The following TBL1X variants were observed in gnomAD, a reference collection of about 807,000 sequenced individuals.
The protein encoded by TBL1X is transducin beta like 1 X-linked, also known as F-box-like/WD repeat-containing protein TBL1X.
In TBL1X, 10 loss-of-function variants were observed where a neutral mutation model predicts 50.7. That is an observed-to-expected ratio of 0.20 (90% CI 0.12 to 0.33). TBL1X has a LOEUF of 0.33. TBL1X is among the 10% of genes least tolerant of loss of function. The pLI is 1.00. For synonymous variants in TBL1X, 190 were observed against 214.7 expected (o/e 0.88, Z 1.01); for missense variants, 340 against 504.4 (o/e 0.67, Z 3.12).
chrX:9,667,365 A>T (rs1442412982), intron 5 of TBL1X, among the ~76,000 whole-genome samples: 4 of 112,127 alleles, frequency 3.6e-5, no homozygotes, highest in African/African-American at 6.5e-5. Flanking sequence ...GAAGGAGATT[A>T]TTTCAGTTTT....
chrX:9,706,382 A>G (rs2083207804), intron 13 of TBL1X, among the ~76,000 whole-genome samples: 1 of 111,644 alleles, frequency 9.0e-6, no homozygotes, highest in Non-Finnish European at 1.9e-5. Context: ...CATTTGAGGC[A>G]GTAACAGCCA....
intron 2 of TBL1X, among the ~76,000 whole-genome samples, chrX:9,539,664 T>C (rs1344928028): frequency 8.9e-6 from 1 of 112,216 alleles, no homozygotes; most frequent in Non-Finnish European, 1.9e-5. Flanking sequence ...GTGATAGTCT[T>C]TTGAGATATC....
intron 2 of TBL1X, among the ~76,000 whole-genome samples, chrX:9,613,688 A>C (rs2082624827): frequency 1.8e-5 from 2 of 111,774 alleles, no homozygotes. Flanking sequence ...AAAATCTATC[A>C]TGAAAATTAA....
rs1276349898 is a variant in TBL1X at position 9,716,320 on chromosome X, T to C, written c.*74T>C. 9.3e-7 allele frequency: 1 copy of C among 1,079,835 alleles called. No individual in the cohort carries two copies. The highest frequency in any genetic ancestry group is 1.3e-6 in the Non-Finnish European group (1 of 790,891). 89.0% of individuals were successfully genotyped at this position (1,079,835 alleles called of 1,213,427 possible). A position where few individuals can be genotyped will look rare whatever the true frequency, so the allele number is the denominator to read the frequency against. ...AATGTGTAGGGTTGCAGCTCTATTC[T>C]CCAAAACTGTAGGAACTTGACTTGC... On this transcript the variant is annotated 3_prime_UTR_variant, in exon 18 of 18. Coordinates refer to ENST00000645353, the MANE Select transcript of TBL1X (RefSeq NM_005647.4).
rs754101803 is a variant in TBL1X at position 9,670,020 on chromosome X, C to A, written c.212-14023C>A. ...TATAGTTTCAATGATAATAGTCCTT[C>A]CCCCAAACTAAATGTTGTTGTAAAA... On this transcript the variant is annotated intron_variant, in intron 5 of 17. Coordinates refer to ENST00000645353, the MANE Select transcript of TBL1X (RefSeq NM_005647.4). Among the ~76,000 whole-genome samples, 468 of 111,669 alleles carry A rather than the reference C, an allele frequency of 4.2e-3. 1 individual carries two copies. Among genetic ancestry groups the A allele is most frequent in the Non-Finnish European group, 7.5e-3 (399 of 53,101 alleles).
intron 1 of TBL1X, among the ~76,000 whole-genome samples, chrX:9,471,303 G>T (rs916299663): frequency 3.6e-5 from 4 of 112,013 alleles, no homozygotes; most frequent in African/African-American, 1.3e-4. Flanking sequence ...TCCTGCCTGA[G>T]GTGGTCTACC....
rs553256865 is a variant in TBL1X at position 9,555,587 on chromosome X, C to T, written c.-131+53738C>T. Among the ~76,000 whole-genome samples, 6 of 111,265 alleles carry T rather than the reference C, an allele frequency of 5.4e-5. No individual in the cohort carries two copies. The South Asian group carries it at 2.3e-3, about 42-fold the overall frequency. ...GGAGTGGAGTTGCTGAGTCATATGG[C>T]AATGCTATGTTTAACTTTTTGAGGA... On this transcript the variant is annotated intron_variant, in intron 2 of 17. Transcript: ENST00000645353.
intron 2 of TBL1X, among the ~76,000 whole-genome samples, chrX:9,512,498 GT>G (rs1569211499): frequency 2.3e-5 from 2 of 87,338 alleles, no homozygotes; most frequent in African/African-American, 4.0e-5. Flanking sequence ...CTCTATGTAC[GT>G]TTTTTTGTTT....
intron 7 of TBL1X, among the ~76,000 whole-genome samples, chrX:9,690,021 A>G (rs1257282836): frequency 1.8e-5 from 2 of 112,563 alleles, no homozygotes; most frequent in African/African-American, 3.2e-5. Flanking sequence ...GTTTTCCACC[A>G]GAGCACCTTT....
At chrX:9,568,269 G>A (rs769889813) in intron 2 of TBL1X, among the ~76,000 whole-genome samples, 2 of 110,190 alleles carry the variant, frequency 1.8e-5, no homozygotes, top group East Asian at 5.8e-4. Flanking sequence ...TGTTTGTGGC[G>A]TGTTGTGTTG....
chrX:9,712,053 C>A (rs1229244153), intron 16 of TBL1X, among the ~76,000 whole-genome samples: 1 of 110,652 alleles, frequency 9.0e-6, no homozygotes, highest in South Asian at 3.8e-4. Flanking sequence ...CCTTGGCACA[C>A]GTTCTTCCTT....
chrX:9,516,788 AGT>A (rs1422585473), intron 2 of TBL1X, among the ~76,000 whole-genome samples: 7 of 112,157 alleles, frequency 6.2e-5, no homozygotes, highest in Admixed American at 4.7e-4. Flanking sequence ...TCTGGTTAAA[AGT>A]GTTTTTCAAA....
intron 2 of TBL1X, among the ~76,000 whole-genome samples, chrX:9,503,883 A>T (rs186346556): frequency 1.3e-3 from 150 of 112,622 alleles, no homozygotes; most frequent in African/African-American, 4.7e-3. Flanking sequence ...GAATCTGGAC[A>T]GCCCAGATGA....
intron 2 of TBL1X, among the ~76,000 whole-genome samples, chrX:9,613,093 A>G (rs898688117): frequency 4.5e-5 from 5 of 111,707 alleles, no homozygotes; most frequent in African/African-American, 1.6e-4. Flanking sequence ...TTAAGCTGAA[A>G]GTTACACTGT....
chrX:9,584,542 T>A (rs1342892816), intron 2 of TBL1X, among the ~76,000 whole-genome samples: 2 of 111,812 alleles, frequency 1.8e-5, no homozygotes, highest in Admixed American at 9.5e-5. Context: ...GACTTCCCTG[T>A]TGGGGAGAGG....
chrX:9,605,215 A>G (rs1389711325), intron 2 of TBL1X, among the ~76,000 whole-genome samples: 4 of 111,239 alleles, frequency 3.6e-5, no homozygotes. Flanking sequence ...CATCCTCATT[A>G]GAGCCCACAC....
intron 4 of TBL1X, 48 bp from the exon 5 acceptor site, chrX:9,654,165 AAG>A (rs764268848): frequency 4.4e-5 from 49 of 1,109,728 alleles, no homozygotes; most frequent in Admixed American, 2.2e-4. Flanking sequence ...AAAAAAAAAA[AAG>A]AGAAAAATAC....
intron 13 of TBL1X, among the ~76,000 whole-genome samples, chrX:9,708,025 G>T (rs1046110406): frequency 1.8e-5 from 2 of 112,236 alleles, no homozygotes; most frequent in South Asian, 7.4e-4. Context: ...TGTGTCATTA[G>T]TTAATTGTTA....
intron 2 of TBL1X, among the ~76,000 whole-genome samples, chrX:9,581,473 G>A (rs773384579): frequency 9.0e-6 from 1 of 111,262 alleles, no homozygotes; most frequent in Admixed American, 9.5e-5. Context: ...TGGGGGGATT[G>A]GGCACCCCTC....
Sources: gnomAD v4.1 joint callset for allele counts (sites outside exome capture counted in the v4.1 genomes callset) on GRCh38, gnomAD v4.1.1 for gene constraint, MANE v1.5 for transcripts, NCBI Gene and HGNC (gene_info 2026-07-23, HGNC 2026-07-21) for gene names.